The following CDH8 variants were observed in gnomAD, a reference collection of about 807,000 sequenced individuals.
CDH8 encodes the protein cadherin-8.
CDH8 carries 17 observed loss-of-function variants against 68.1 expected under a neutral mutation model. The ratio of observed to expected loss-of-function variants is 0.25; its 90% CI spans 0.17 to 0.37. The LOEUF is 0.37. Ranked by LOEUF, CDH8 falls within the 10% of genes least tolerant of loss-of-function variation. The pLI is 1.00. For synonymous variants in CDH8, 372 were observed against 365.1 expected (o/e 1.02, Z -0.21); for missense variants, 763 against 999.3 (o/e 0.76, Z 3.19).
intron 2 of CDH8, among the ~76,000 whole-genome samples, chr16:61,953,364 A>T (rs1006046260): frequency 2.0e-5 from 3 of 152,060 alleles, no homozygotes; most frequent in Non-Finnish European, 4.4e-5. Context: ...TCTACTTGAT[A>T]TTTTTTCTGT....
At chr16:61,739,884 C>CATATATATGT (rs1959812020) in intron 8 of CDH8, among the ~76,000 whole-genome samples, 1 of 101,476 alleles carries the variant, frequency 9.9e-6, no homozygotes, top group African/African-American at 3.9e-5. Context: ...CAACATATTC[C>CATATATATGT]ATATATATAT....
intron 2 of CDH8, among the ~76,000 whole-genome samples, chr16:61,942,615 C>A (rs1451689075): frequency 6.6e-6 from 1 of 152,210 alleles, no homozygotes; most frequent in East Asian, 1.9e-4. Context: ...ACTCCAACTT[C>A]ATCTCATACC....
intron 3 of CDH8, among the ~76,000 whole-genome samples, chr16:61,896,623 G>C (rs1963872566): frequency 6.6e-6 from 1 of 152,096 alleles, no homozygotes; most frequent in Non-Finnish European, 1.5e-5. Flanking sequence ...GAAATGAAGG[G>C]AATAATTCAC....
chr16:61,868,249 A>C (rs963095391), intron 3 of CDH8, among the ~76,000 whole-genome samples: 8 of 152,196 alleles, frequency 5.3e-5, no homozygotes, highest in African/African-American at 1.9e-4. Flanking sequence ...AAATGCAGAG[A>C]ATATGAACTA....
chr16:61,720,103 C>G (rs1959205981), intron 9 of CDH8, among the ~76,000 whole-genome samples: 1 of 150,926 alleles, frequency 6.6e-6, no homozygotes, highest in Admixed American at 6.6e-5. Context: ...TCCTCTAAAA[C>G]TCCATTTGAG....
At chr16:61,694,088 T>C (rs1964282457) in intron 10 of CDH8, among the ~76,000 whole-genome samples, 5 of 152,208 alleles carry the variant, frequency 3.3e-5, no homozygotes, top group Admixed American at 2.0e-4. Context: ...AATTAGAAAG[T>C]GGCAGAGTGA....
At chr16:61,942,874 C>A (rs1038667420) in intron 2 of CDH8, among the ~76,000 whole-genome samples, 1 of 152,138 alleles carries the variant, frequency 6.6e-6, no homozygotes, top group Non-Finnish European at 1.5e-5. Context: ...GAATTCAACA[C>A]CAGCCTGGAC....
In CDH8 at chr16:61,655,598, G is replaced by A; in HGVS notation, c.1778C>T (p.Thr593Ile). ...NPPLSSTSTLTIRVCGCSNDG... is the reference protein window; with the variant it reads ...NPPLSSTSTLIIRVCGCSNDG... ...ATTGCTGCAGCCACAGACCCTGATT[G>A]TCAAGGTGCTAGTGCTGCTCAGTGG... Residue 593 changes from threonine (T) to isoleucine (I), a missense_variant, in exon 11 of 12, where the codon ACA (threonine) becomes ATA (isoleucine). Thr to Ile is a moderately conservative substitution (Grantham distance 89, BLOSUM62 -1). Around this residue, in one of 2 missense-constraint regions of CDH8, gnomAD observed 397 missense variants for 436.2 expected, o/e 0.91. Transcript: ENST00000577390. 6.2e-7 allele frequency: 1 copy of A among 1,614,180 alleles called. No individual in the cohort carries two copies. The highest frequency in any genetic ancestry group is 8.5e-7 in the Non-Finnish European group (1 of 1,180,022).
intron 9 of CDH8, among the ~76,000 whole-genome samples, chr16:61,720,928 T>G (rs117136980): frequency 0.023 from 3,491 of 150,872 alleles, 68 homozygotes; most frequent in Non-Finnish European, 0.035. Flanking sequence ...TTCAAATAAA[T>G]ACCACTGAAA....
At chr16:62,026,108 T>C (rs1902192921) in intron 1 of CDH8, among the ~76,000 whole-genome samples, 1 of 152,166 alleles carries the variant, frequency 6.6e-6, no homozygotes, top group African/African-American at 2.4e-5. Flanking sequence ...ATTTGTAATG[T>C]TTTCTGATTT....
At chr16:61,956,377 A>G (rs933309620) in intron 2 of CDH8, among the ~76,000 whole-genome samples, 1 of 152,186 alleles carries the variant, frequency 6.6e-6, no homozygotes, top group East Asian at 1.9e-4. Context: ...GGTAAACTCA[A>G]AGAAAATGTC....
At chr16:61,754,350 T>A (rs1460504603) in intron 8 of CDH8, among the ~76,000 whole-genome samples, 1 of 152,196 alleles carries the variant, frequency 6.6e-6, no homozygotes, top group African/African-American at 2.4e-5. Context: ...GATTCATGTG[T>A]TTCATTTATA....
At chr16:61,807,238 G>A (rs1309347378) in intron 7 of CDH8, among the ~76,000 whole-genome samples, 1 of 149,512 alleles carries the variant, frequency 6.7e-6, no homozygotes, top group African/African-American at 2.5e-5. Context: ...AACCAAACAT[G>A]GCATATTCTC....
At chr16:61,845,389 A>T (rs1024599514) in intron 4 of CDH8, among the ~76,000 whole-genome samples, 1 of 151,996 alleles carries the variant, frequency 6.6e-6, no homozygotes, top group South Asian at 2.1e-4. Context: ...ATAATACCAC[A>T]GCAACAATAT....
chr16:61,823,822 C>T (rs985095801), intron 5 of CDH8, among the ~76,000 whole-genome samples: 1 of 151,914 alleles, frequency 6.6e-6, no homozygotes, highest in Non-Finnish European at 1.5e-5. Context: ...GCACTCTCTG[C>T]TCCAGCTGCA....
rs1248773431 is a variant in CDH8, at chr16:61,960,290, TATAC to T, written c.253-58821_253-58818del. The stretch of plus-strand genomic sequence containing the variant: ...ATACGTGTGTGTGTATACACACATA[TATAC>T]GTGTGTGTGTATACACACATATATA... On this transcript the variant is annotated intron_variant, in intron 2 of 11. Coordinates refer to ENST00000577390, the MANE Select transcript of CDH8 (RefSeq NM_001796.5). Among the ~76,000 whole-genome samples, 7 of 102,368 alleles carry T rather than the reference TATAC, an allele frequency of 6.8e-5. 2 individuals are homozygous for T. The highest frequency in any genetic ancestry group is 4.6e-4 in the African/African-American group (7 of 15,240). 67.2% of individuals were successfully genotyped at this position (102,368 alleles called of 152,430 possible).
intron 3 of CDH8, among the ~76,000 whole-genome samples, chr16:61,859,670 G>A (rs1467620546): frequency 1.3e-5 from 2 of 152,170 alleles, no homozygotes; most frequent in Non-Finnish European, 2.9e-5. Flanking sequence ...GGATATCAAC[G>A]TTAATTTCCC....
intron 4 of CDH8, among the ~76,000 whole-genome samples, chr16:61,838,618 A>G (rs996819971): frequency 6.6e-6 from 1 of 152,142 alleles, no homozygotes; most frequent in African/African-American, 2.4e-5. Context: ...AAAGAATGCA[A>G]GTCCCTGATT....
intron 2 of CDH8, among the ~76,000 whole-genome samples, chr16:61,943,883 A>G (rs1371360709): frequency 1.3e-5 from 2 of 152,220 alleles, no homozygotes; most frequent in Non-Finnish European, 2.9e-5. Flanking sequence ...GTTAGGTGAG[A>G]ACTGAGAAAA....
Sources: gnomAD v4.1 joint callset for allele counts (sites outside exome capture counted in the v4.1 genomes callset) on GRCh38, gnomAD v4.1.1 for gene constraint, gnomAD v4.1.1 regional missense constraint, MANE v1.5 for transcripts, NCBI Gene and HGNC (gene_info 2026-07-23, HGNC 2026-07-21) for gene names.